Variants in SRGAP1 observed in about 807,000 individuals in gnomAD.
SRGAP1 encodes SLIT-ROBO Rho GTPase-activating protein 1.
A neutral mutation model predicts 121.9 loss-of-function variants in SRGAP1; 43 were observed. That is an observed-to-expected ratio of 0.35 (90% CI 0.28 to 0.46). The LOEUF (loss-of-function observed/expected upper bound fraction) is 0.46, where lower values mean the gene tolerates loss of function less well. Among genes scored for constraint, SRGAP1 ranks in the 20% least tolerant of loss-of-function variants. SRGAP1 has a pLI of 1.00. For synonymous variants in SRGAP1, 447 were observed against 485.4 expected (o/e 0.92, Z 1.04); for missense variants, 1,102 against 1,350.9 (o/e 0.82, Z 2.89).
At chr12:63,845,610 G>A (rs916790608) in intron 1 of SRGAP1, among the ~76,000 whole-genome samples, 1 of 148,488 alleles carries the variant, frequency 6.7e-6, no homozygotes, top group African/African-American at 2.5e-5. Flanking sequence ...GTCAACTAAT[G>A]AAGGAAACCT....
At chr12:64,110,579 C>T (rs59228761) in intron 16 of SRGAP1, among the ~76,000 whole-genome samples, 14,244 of 152,200 alleles carry the variant, frequency 0.094, 1,581 homozygotes, top group African/African-American at 0.27. Flanking sequence ...CATCAAGTTT[C>T]TGTTTGCAAG....
At chr12:64,107,028 A>G (rs2036355679) in intron 15 of SRGAP1, among the ~76,000 whole-genome samples, 1 of 152,212 alleles carries the variant, frequency 6.6e-6, no homozygotes. Context: ...TGCATTTGCT[A>G]AAAGATGACA....
chr12:63,887,277 C>T (rs1900419495), intron 1 of SRGAP1: 1 of 152,226 alleles, frequency 6.6e-6, no homozygotes, highest in African/African-American at 2.4e-5. Flanking sequence ...AAATCTAGCT[C>T]ATAAGGAAGG....
chr12:63,855,482 T>G (rs899030796), intron 1 of SRGAP1, among the ~76,000 whole-genome samples: 23 of 117,196 alleles, frequency 2.0e-4, no homozygotes, highest in African/African-American at 5.6e-4. Context: ...TGTTTTTTTT[T>G]TTTTTTTTTT....
At chr12:64,141,923 C>T (rs2036970633) in intron 21 of SRGAP1, among the ~76,000 whole-genome samples, 1 of 152,072 alleles carries the variant, frequency 6.6e-6, no homozygotes, top group Non-Finnish European at 1.5e-5. Context: ...GCCAGGAGGT[C>T]GAGGCCGTAG....
chr12:64,006,790 A>G (rs1231930614), intron 3 of SRGAP1, among the ~76,000 whole-genome samples: 2 of 152,190 alleles, frequency 1.3e-5, no homozygotes, highest in African/African-American at 4.8e-5. Flanking sequence ...AAAAAGAATT[A>G]TCATTGGTGC....
intron 1 of SRGAP1, among the ~76,000 whole-genome samples, chr12:63,903,036 G>A (rs1441014934): frequency 6.6e-6 from 1 of 151,946 alleles, no homozygotes; most frequent in Non-Finnish European, 1.5e-5. Flanking sequence ...GGTACTGTAT[G>A]TCTGAAATGA....
At position 63,844,724 on chromosome 12, in the gene SRGAP1, G is replaced by C; in HGVS notation, c.-93G>C. On this transcript the variant is annotated 5_prime_UTR_variant, in exon 1 of 22. Transcript: ENST00000355086. The surrounding 1 kb of genome is among the most constrained non-coding windows in gnomAD (Gnocchi z 4.3). ...TCGGCGCTGCCTCTGGATTGCCTGC[G>C]TGTGGGAGTACAACTCTGCCTCTCC... 8.0e-7 allele frequency: 1 copy of C among 1,249,062 alleles called. No homozygotes were observed. Among genetic ancestry groups the C allele is most frequent in the African/African-American group, 1.5e-5 (1 of 67,762 alleles). The allele number at this position is 1,249,062 out of a possible 1,614,324, so 77.4% of individuals were successfully genotyped here. A position where few individuals can be genotyped will look rare whatever the true frequency, so the allele number is the denominator to read the frequency against.
chr12:64,140,591 A>G (rs1330465975), intron 21 of SRGAP1, among the ~76,000 whole-genome samples: 2 of 152,048 alleles, frequency 1.3e-5, no homozygotes, highest in Non-Finnish European at 1.5e-5. Context: ...CACACCAGTT[A>G]GAATGGCAAT....
intron 4 of SRGAP1, among the ~76,000 whole-genome samples, chr12:64,019,688 C>T (rs772643659): frequency 1.3e-5 from 2 of 152,234 alleles, no homozygotes; most frequent in East Asian, 1.9e-4. Context: ...TATATTAATA[C>T]TTACTCAGTT....
chr12:64,029,849 A>C (rs1318854448), intron 4 of SRGAP1, among the ~76,000 whole-genome samples: 2 of 151,950 alleles, frequency 1.3e-5, no homozygotes, highest in Non-Finnish European at 2.9e-5. Flanking sequence ...TGGAGGTTAC[A>C]GTGAACCGAG....
intron 1 of SRGAP1, among the ~76,000 whole-genome samples, chr12:63,980,339 C>T (rs1422930277): frequency 6.6e-6 from 1 of 152,180 alleles, no homozygotes; most frequent in African/African-American, 2.4e-5. Flanking sequence ...CATCCATGAG[C>T]CAGTCTGCAT....
At position 64,091,286 on chromosome 12, in the gene SRGAP1, G is replaced by A. The variant is rs757392023; in HGVS notation, c.1447G>A (p.Val483Ile). Reference sequence around the variant, plus strand: ...ATTCCCTTCCCTTAGGCCTCCAAATGTTCCCCCTAAGCCCCAGAAACACAG... The same window carrying A: ...ATTCCCTTCCCTTAGGCCTCCAAATATTCCCCCTAAGCCCCAGAAACACAG... ...AEYMTTRPPN[V>I]PPKPQKHRKS... The change falls in exon 12 of 22, where the codon GTT becomes ATT. Residue 483 changes from valine (V) to isoleucine (I), a missense_variant. Transcript: ENST00000355086. 6 of 1,592,786 alleles carry A rather than the reference G, an allele frequency of 3.8e-6. No individual in the cohort carries two copies. Among genetic ancestry groups the A allele is most frequent in the Non-Finnish European group, 2.6e-6 (3 of 1,166,366 alleles).
At chr12:64,005,651 AAAAAAT>A (rs1340247985) in intron 3 of SRGAP1, among the ~76,000 whole-genome samples, 1 of 151,674 alleles carries the variant, frequency 6.6e-6, no homozygotes, top group Non-Finnish European at 1.5e-5. Context: ...GTCTCTTAAA[AAAAAAT>A]AAAAATAAAA....
chr12:63,897,933 C>T (rs1277727856), intron 1 of SRGAP1, among the ~76,000 whole-genome samples: 1 of 152,098 alleles, frequency 6.6e-6, no homozygotes, highest in Non-Finnish European at 1.5e-5. Flanking sequence ...ACTCACTCAC[C>T]TGAAGCTGAA....
rs561767587 is a variant in SRGAP1, at chr12:64,091,834, C to G, written c.1539+456C>G. On this transcript the variant is annotated intron_variant, in intron 12 of 21. Transcript: ENST00000355086. ...TAAGACTATGATCTATACCTTGTAC[C>G]TCTGCTGTGTTTACTCTTCGTCTTC... 71 of 1,367,946 alleles carry G rather than the reference C, an allele frequency of 5.2e-5. 1 individual carries two copies. The African/African-American group carries it at 8.2e-4, about 16-fold the overall frequency. 84.7% of individuals were successfully genotyped at this position (1,367,946 alleles called of 1,614,324 possible).
intron 8 of SRGAP1, among the ~76,000 whole-genome samples, chr12:64,071,444 A>G (rs924996368): frequency 6.6e-6 from 1 of 152,208 alleles, no homozygotes; most frequent in Non-Finnish European, 1.5e-5. Flanking sequence ...GCTGTGTTTC[A>G]GGCACCATGC....
chr12:63,884,719 C>CT (rs869188491), intron 1 of SRGAP1, among the ~76,000 whole-genome samples: 9,944 of 123,846 alleles, frequency 0.08, 643 homozygotes, highest in Non-Finnish European at 0.12. Flanking sequence ...CACCACCATT[C>CT]TTTTTTTTTT....
intron 4 of SRGAP1, among the ~76,000 whole-genome samples, chr12:64,033,958 A>G (rs6581528): frequency 0.45 from 67,682 of 151,318 alleles, 15,539 homozygotes; most frequent in Non-Finnish European, 0.51. Context: ...GTGAGGGGGT[A>G]GTGGAGGTTG....
Sources: gnomAD v4.1 joint callset for allele counts (sites outside exome capture counted in the v4.1 genomes callset) on GRCh38, gnomAD v4.1.1 for gene constraint, Gnocchi (gnomAD v3.1) non-coding constraint, MANE v1.5 for transcripts, NCBI Gene and HGNC (gene_info 2026-07-23, HGNC 2026-07-21) for gene names.